GRIA3: variants seen among roughly 807,000 people sequenced by gnomAD.
GRIA3 encodes the protein glutamate ionotropic receptor AMPA type subunit 3.
A neutral mutation model predicts 63.0 loss-of-function variants in GRIA3; 3 were observed. The ratio of observed to expected loss-of-function variants is 0.05; its 90% CI spans 0.02 to 0.12. GRIA3 has a LOEUF of 0.12. Among genes scored for constraint, GRIA3 ranks in the 10% least tolerant of loss-of-function variants. The pLI is 1.00. For synonymous variants in GRIA3, 274 were observed against 257.9 expected, an observed-to-expected ratio of 1.06 and a Z score of -0.60; for missense variants, 347 against 700.9, an observed-to-expected ratio of 0.50 and a Z score of 5.70.
chrX:123,209,303 T>A (rs5911549), intron 2 of GRIA3, among the ~76,000 whole-genome samples: 3,626 of 112,065 alleles, frequency 0.032, 60 homozygotes, highest in Non-Finnish European at 0.051. Context: ...AATGAGATAA[T>A]TATTCAAAGG....
At chrX:123,285,577 CAAAAAA>C (rs59101106) in intron 3 of GRIA3, among the ~76,000 whole-genome samples, 2 of 10,171 alleles carry the variant, frequency 2.0e-4, no homozygotes, top group African/African-American at 8.5e-4. Context: ...AAATGAAAAG[CAAAAAA>C]AAAAAAAAAA....
chrX:123,212,231 C>A (rs1448153650), intron 2 of GRIA3, among the ~76,000 whole-genome samples: 1 of 111,164 alleles, frequency 9.0e-6, no homozygotes, highest in Non-Finnish European at 1.9e-5. Context: ...AAGAAACAAC[C>A]TAGATTATTT....
chrX:123,389,189 C>T (rs1301562086), intron 5 of GRIA3, among the ~76,000 whole-genome samples: 1 of 112,106 alleles, frequency 8.9e-6, no homozygotes, highest in Non-Finnish European at 1.9e-5. Context: ...AATGTGTATT[C>T]TATAGCTGTT....
chrX:123,226,232 TAAC>T (rs956772914), intron 2 of GRIA3, among the ~76,000 whole-genome samples: 7 of 111,208 alleles, frequency 6.3e-5, no homozygotes, highest in Non-Finnish European at 1.3e-4. Flanking sequence ...AAAAACAACA[TAAC>T]AACAGTTCAA....
At position 123,206,004 on chromosome X, in the gene GRIA3, G is replaced by C. The variant is rs187251407; in HGVS notation, c.268+20014G>C. 1.4e-3 allele frequency among the ~76,000 whole-genome samples: 158 copies of C among 111,384 alleles called. 2 individuals carry two copies. Among genetic ancestry groups the C allele is most frequent in the Non-Finnish European group, 1.6e-3 (83 of 53,065 alleles). On this transcript the variant is annotated intron_variant, in intron 2 of 15. Transcript: ENST00000620443. Reference sequence around the variant, plus strand: ...TTACTGTGTTTAAAAAGATGGTCGTGGGGGAGGGTTTCCACTTTAGAAAGA... The same window carrying C: ...TTACTGTGTTTAAAAAGATGGTCGTCGGGGAGGGTTTCCACTTTAGAAAGA...
intron 6 of GRIA3, among the ~76,000 whole-genome samples, chrX:123,395,878 G>A (rs1432821332): frequency 9.0e-6 from 1 of 110,918 alleles, no homozygotes; most frequent in African/African-American, 3.3e-5. Flanking sequence ...ATATGAAACT[G>A]ACTTTAAATT....
Position 123,226,697 on chromosome X carries a change from T to C in GRIA3, c.269-26606T>C, listed in dbSNP as rs190209261. ...AGGAAAGGTGAGGATTCCCTAATGATAATAACCTCAATCTTCATGATATTA... is the reference window on the plus strand; with the variant it reads ...AGGAAAGGTGAGGATTCCCTAATGACAATAACCTCAATCTTCATGATATTA... On this transcript the variant is annotated intron_variant, in intron 2 of 15. Transcript: ENST00000620443. 3.6e-5 allele frequency among the ~76,000 whole-genome samples: 4 copies of C among 111,584 alleles called. No homozygotes were observed. The East Asian group carries it at 1.1e-3, about 31-fold the overall frequency.
chrX:123,190,458 G>A lies in GRIA3; in HGVS notation c.268+4468G>A, dbSNP rs146432961. Among the ~76,000 whole-genome samples, 289 of 110,719 alleles carry A rather than the reference G, an allele frequency of 2.6e-3. 1 individual carries two copies. The highest frequency in any genetic ancestry group is 9.2e-3 in the Middle Eastern group (2 of 217). ...TTTTAAAATTTATTTTTCATAGGGC[G>A]GGGGAGGGAAGAAGCTGATGCTGTT... On this transcript the variant is annotated intron_variant, in intron 2 of 15. Coordinates refer to ENST00000620443, the MANE Select transcript of GRIA3 (RefSeq NM_007325.5).
At chrX:123,293,415 T>C (rs901743558) in intron 3 of GRIA3, among the ~76,000 whole-genome samples, 1 of 111,319 alleles carries the variant, frequency 9.0e-6, no homozygotes, top group Non-Finnish European at 1.9e-5. Flanking sequence ...AAGGATAAGG[T>C]TGATAGAAAG....
intron 5 of GRIA3, among the ~76,000 whole-genome samples, chrX:123,374,879 C>T (rs1035717524): frequency 2.7e-5 from 3 of 112,012 alleles, no homozygotes; most frequent in Admixed American, 9.5e-5. Flanking sequence ...GTCAGAACTT[C>T]CAACACTATG....
chrX:123,469,056 C>A (rs901468288), intron 13 of GRIA3, among the ~76,000 whole-genome samples: 1 of 112,723 alleles, frequency 8.9e-6, no homozygotes, highest in African/African-American at 3.2e-5. Context: ...CATATTTAAG[C>A]TGTTCCAGCC....
At chrX:123,193,683 G>T (rs1927500468) in intron 2 of GRIA3, among the ~76,000 whole-genome samples, 1 of 112,275 alleles carries the variant, frequency 8.9e-6, no homozygotes, top group Admixed American at 9.4e-5. Context: ...CCAACAGTGT[G>T]CCATTAGTCT....
At chrX:123,366,452 G>C (rs980533999) in intron 5 of GRIA3, among the ~76,000 whole-genome samples, 1 of 111,741 alleles carries the variant, frequency 8.9e-6, no homozygotes, top group Admixed American at 9.6e-5. Flanking sequence ...ATTTGGGGTA[G>C]AGAGGAGCTC....
At chrX:123,243,837 C>T (rs1015101766) in intron 2 of GRIA3, among the ~76,000 whole-genome samples, 2 of 111,275 alleles carry the variant, frequency 1.8e-5, no homozygotes, top group South Asian at 3.9e-4. Context: ...TTAAAGCCCA[C>T]TCCTGACTCC....
chrX:123,429,461 A>G (rs1183467637), intron 12 of GRIA3, among the ~76,000 whole-genome samples: 1 of 111,868 alleles, frequency 8.9e-6, no homozygotes, highest in African/African-American at 3.2e-5. Context: ...GGAGGGGTCC[A>G]ATGTTGGTCC....
chrX:123,245,682 C>T (rs191590910), intron 2 of GRIA3, among the ~76,000 whole-genome samples: 31 of 111,446 alleles, frequency 2.8e-4, no homozygotes, highest in East Asian at 2.3e-3. Context: ...ATTCGAACAA[C>T]GTCTATGAAT....
At chrX:123,253,681 A>G (rs2044403403) in intron 3 of GRIA3, 139 bp downstream of exon 3, 2 of 551,091 alleles carry the variant, frequency 3.6e-6, no homozygotes, top group Non-Finnish European at 5.8e-6. Context: ...AATAAATCAA[A>G]GGTTAAGATT....
Position 123,185,920 on chromosome X carries a change from G to C in GRIA3, c.198G>C (p.Glu66Asp). ...ACAACACCAACCAGAACACCACCGAGAAGCCCTTCCATTTGAATTACCACG... is the reference window on the plus strand; with the variant it reads ...ACAACACCAACCAGAACACCACCGACAAGCCCTTCCATTTGAATTACCACG... ...QLYNTNQNTT[E>D]KPFHLNYHVD... The change falls in exon 2 of 16, where the codon GAG (glutamate) becomes GAC (aspartate). Residue 66 changes from glutamate to aspartate, a missense_variant. Coordinates refer to ENST00000620443, the MANE Select transcript of GRIA3 (RefSeq NM_007325.5). The C allele has an allele frequency of 8.3e-7, 1 of 1,205,968 alleles. No individual in the cohort carries two copies. Among genetic ancestry groups the C allele is most frequent in the Non-Finnish European group, 1.1e-6 (1 of 890,362 alleles).
chrX:123,411,733 A>G (rs2045507752), intron 10 of GRIA3, among the ~76,000 whole-genome samples: 1 of 111,288 alleles, frequency 9.0e-6, no homozygotes, highest in Admixed American at 9.6e-5. Flanking sequence ...TGCTTGATTA[A>G]AATCCTTTAA....
Sources: allele counts gnomAD v4.1 joint callset (sites outside exome capture counted in the v4.1 genomes callset), GRCh38; gene constraint gnomAD v4.1.1; transcripts MANE v1.5; gene names NCBI Gene and HGNC (gene_info 2026-07-23, HGNC 2026-07-21).